The following CSMD1 variants were observed in gnomAD, a reference collection of about 807,000 sequenced individuals.
CSMD1 encodes CUB and Sushi multiple domains 1, also known as CUB and sushi domain-containing protein 1.
A neutral mutation model predicts 417.5 loss-of-function variants in CSMD1; 213 were observed. The observed-to-expected ratio is 0.51, with a 90% CI of 0.46 to 0.57. CSMD1 has a LOEUF of 0.57. CSMD1 is among the 20% of genes least tolerant of loss of function. The pLI, the probability that CSMD1 is intolerant of heterozygous loss-of-function variation, is 0.00. For missense variants in CSMD1, 6,923 were observed against 4,529.7 expected (o/e 1.53, Z -15.17); for synonymous variants, 2,862 against 1,736.8 (o/e 1.65, Z -16.11).
intron 3 of CSMD1, among the ~76,000 whole-genome samples, chr8:4,098,536 G>C (rs750761814): frequency 6.6e-6 from 1 of 152,102 alleles, no homozygotes; most frequent in African/African-American, 2.4e-5. Context: ...ACCACAGAGA[G>C]CTGAGAAAGT....
rs559974168 is a variant in CSMD1, at chr8:4,911,149, G to A, written c.85+83183C>T. Among the ~76,000 whole-genome samples the A allele has an allele frequency of 3.7e-4, 57 of 152,266 alleles. No individual in the cohort carries two copies. The South Asian group carries it at 7.7e-3, about 21-fold the overall frequency. On this transcript the variant is annotated intron_variant, in intron 1 of 69. Coordinates refer to ENST00000635120, the MANE Select transcript of CSMD1 (RefSeq NM_033225.6). ...TCTTTTGTAAATTCTCCAGTCTTGG[G>A]TATGTCTTTATCAGCAGTGTGAAAA... is the stretch of plus-strand genomic sequence containing the variant.
At chr8:4,230,184 A>G (rs1243650928) in intron 3 of CSMD1, among the ~76,000 whole-genome samples, 1 of 152,184 alleles carries the variant, frequency 6.6e-6, no homozygotes, top group Non-Finnish European at 1.5e-5. Context: ...ATTCTGAGCC[A>G]AATTATCTTA....
At chr8:4,091,176 C>T (rs1238514597) in intron 3 of CSMD1, among the ~76,000 whole-genome samples, 2 of 152,066 alleles carry the variant, frequency 1.3e-5, no homozygotes, top group African/African-American at 4.8e-5. Flanking sequence ...GGCTCGGCCT[C>T]CCAAAGTGCT....
chr8:3,380,484 A>G (rs1294926898), intron 18 of CSMD1, among the ~76,000 whole-genome samples: 1 of 152,202 alleles, frequency 6.6e-6, no homozygotes, highest in African/African-American at 2.4e-5. Flanking sequence ...GACTTGGAAC[A>G]AACCCAAATG....
At chr8:4,120,677 A>G (rs1011438821) in intron 3 of CSMD1, among the ~76,000 whole-genome samples, 1 of 152,220 alleles carries the variant, frequency 6.6e-6, no homozygotes, top group Non-Finnish European at 1.5e-5. Flanking sequence ...CTTTTAAAGA[A>G]GTAAGTTTAG....
chr8:3,780,956 G>C (rs1295242125), intron 5 of CSMD1, among the ~76,000 whole-genome samples: 3 of 152,126 alleles, frequency 2.0e-5, no homozygotes. Flanking sequence ...AAGCTCTAAA[G>C]ATATCTGTCT....
chr8:4,390,110 A>C (rs966747725), intron 3 of CSMD1, among the ~76,000 whole-genome samples: 5 of 152,248 alleles, frequency 3.3e-5, no homozygotes, highest in Non-Finnish European at 7.3e-5. Context: ...TTGGTATTCC[A>C]TAATTTTTAA....
intron 1 of CSMD1, among the ~76,000 whole-genome samples, chr8:4,896,658 A>C (rs1301675755): frequency 6.6e-6 from 1 of 152,146 alleles, no homozygotes; most frequent in Non-Finnish European, 1.5e-5. Context: ...TAAATATTGG[A>C]AATTTTTTCC....
rs1195713723 is a variant in CSMD1 at position 3,000,075 on chromosome 8, A to C, written c.8086T>G (p.Phe2696Val). 1 of 1,601,812 alleles carries C rather than the reference A, an allele frequency of 6.2e-7. No individual in the cohort carries two copies. Among genetic ancestry groups the C allele is most frequent in the Non-Finnish European group, 8.5e-7 (1 of 1,177,182 alleles). ...TAAACCACCGTGTCTCTGTAACTGAAGCCATCTCCACTAATGTGACCGTTC... is the reference window on the plus strand; with the variant it reads ...TAAACCACCGTGTCTCTGTAACTGACGCCATCTCCACTAATGTGACCGTTC... ...IVNGHISGDG[F>V]SYRDTVVYQC... is the part of the protein sequence containing the mutation. The change falls in exon 53 of 70, where the codon TTC becomes GTC. Residue 2696 changes from phenylalanine to valine, a missense_variant. Transcript: ENST00000635120.
At chr8:4,539,128 G>T (rs1797252691) in intron 2 of CSMD1, among the ~76,000 whole-genome samples, 1 of 152,100 alleles carries the variant, frequency 6.6e-6, no homozygotes, top group Non-Finnish European at 1.5e-5. Flanking sequence ...ATATTCTGTG[G>T]AAAAAGCTAA....
chr8:4,373,279 G>C (rs1263359265), intron 3 of CSMD1, among the ~76,000 whole-genome samples: 1 of 152,148 alleles, frequency 6.6e-6, no homozygotes, highest in African/African-American at 2.4e-5. Context: ...TGTCAAGTGT[G>C]ATCCAGGGAC....
chr8:3,989,003 A>C (rs536068664), intron 5 of CSMD1, among the ~76,000 whole-genome samples: 1 of 152,300 alleles, frequency 6.6e-6, no homozygotes, highest in Admixed American at 6.5e-5. Context: ...TACAGGTAAA[A>C]ACCATTGTTC....
chr8:3,668,093 G>A (rs545941088), intron 7 of CSMD1, among the ~76,000 whole-genome samples: 1 of 152,098 alleles, frequency 6.6e-6, no homozygotes, highest in Non-Finnish European at 1.5e-5. Context: ...TTCTACCCCT[G>A]GGCTAGAAGG....
At chr8:4,339,467 G>C (rs774899923) in intron 3 of CSMD1, among the ~76,000 whole-genome samples, 1 of 152,036 alleles carries the variant, frequency 6.6e-6, no homozygotes, top group African/African-American at 2.4e-5. Flanking sequence ...AAGCTACCGC[G>C]AAATGAGATA....
chr8:4,017,678 T>A (rs576564436), intron 4 of CSMD1, among the ~76,000 whole-genome samples: 3 of 152,254 alleles, frequency 2.0e-5, no homozygotes, highest in South Asian at 4.1e-4. Context: ...TTTTTTCAAA[T>A]TCGACTTCAA....
chr8:3,133,414 T>A (rs1421110086), intron 41 of CSMD1, among the ~76,000 whole-genome samples: 1 of 152,154 alleles, frequency 6.6e-6, no homozygotes, highest in Non-Finnish European at 1.5e-5. Context: ...CTTGGGTCTG[T>A]CTTGTGTTGG....
chr8:4,130,084 A>G (rs550938226), intron 3 of CSMD1, among the ~76,000 whole-genome samples: 32 of 152,082 alleles, frequency 2.1e-4, no homozygotes, highest in Non-Finnish European at 4.3e-4. Context: ...TGTGTGTGTG[A>G]GAGGAGGGCT....
chr8:4,808,891 T>C (rs1185202768), intron 1 of CSMD1, among the ~76,000 whole-genome samples: 2 of 152,250 alleles, frequency 1.3e-5, no homozygotes, highest in African/African-American at 4.8e-5. Context: ...ATTCTTTTTC[T>C]ATGTTTACAA....
chr8:4,691,415 T>A (rs1806761633), intron 1 of CSMD1, among the ~76,000 whole-genome samples: 1 of 152,192 alleles, frequency 6.6e-6, no homozygotes, highest in Non-Finnish European at 1.5e-5. Context: ...TGCAACATAT[T>A]GAGTAATTAT....
Sources: gnomAD v4.1 joint callset for allele counts (sites outside exome capture counted in the v4.1 genomes callset) on GRCh38, gnomAD v4.1.1 for gene constraint, MANE v1.5 for transcripts, NCBI Gene and HGNC (gene_info 2026-07-23, HGNC 2026-07-21) for gene names.